Variants in RAD52 observed in about 807,000 individuals in gnomAD.
RAD52 encodes DNA repair protein RAD52 homolog.
RAD52 carries 47 observed loss-of-function variants against 55.5 expected under a neutral mutation model. That is an observed-to-expected ratio of 0.85 (90% CI 0.67 to 1.08). RAD52 has a LOEUF of 1.08. Among genes scored for constraint, RAD52 ranks in the 50% least tolerant of loss-of-function variants. The pLI, the probability that RAD52 is intolerant of heterozygous loss-of-function variation, is 0.00. For missense variants in RAD52, 468 were observed against 522.8 expected, an observed-to-expected ratio of 0.90 and a Z score of 1.02; for synonymous variants, 184 against 198.9, an observed-to-expected ratio of 0.92 and a Z score of 0.63.
intron 1 of RAD52, among the ~76,000 whole-genome samples, chr12:964,974 C>CCTTA (rs1466681943): frequency 6.6e-6 from 1 of 151,232 alleles, no homozygotes; most frequent in Non-Finnish European, 1.5e-5. Flanking sequence ...TGCCTTCCTT[C>CCTTA]CTTCCTTTTT....
chr12:977,313 T>C (rs984477124), intron 1 of RAD52, among the ~76,000 whole-genome samples: 1 of 152,222 alleles, frequency 6.6e-6, no homozygotes, highest in Admixed American at 6.5e-5. Flanking sequence ...ACATGTGCCA[T>C]ACTGAAGTTA....
At chr12:924,867 TCA>T (rs1262619999) in intron 7 of RAD52, among the ~76,000 whole-genome samples, 1 of 152,038 alleles carries the variant, frequency 6.6e-6, no homozygotes, top group African/African-American at 2.4e-5. Flanking sequence ...CTTTGAGGCT[TCA>T]CAGACTACCC....
chr12:955,234 T>C (rs551848212), intron 1 of RAD52, among the ~76,000 whole-genome samples: 3 of 152,334 alleles, frequency 2.0e-5, no homozygotes, highest in South Asian at 4.1e-4. Context: ...ATCCTATGTA[T>C]GATGACTTCT....
At chr12:986,963 C>T (rs577817865) in intron 1 of RAD52, among the ~76,000 whole-genome samples, 1 of 151,836 alleles carries the variant, frequency 6.6e-6, no homozygotes, top group African/African-American at 2.4e-5. Context: ...TTAAGTAACT[C>T]TTTTTTAAAA....
In RAD52 at chr12:926,863, G is replaced by A. The variant is rs867583706; in HGVS notation, c.467+282C>T. ...TGCTGTCTGTGCACTCGCAGTAGGA[G>A]TGGGAAGGCCTCCGGCACACATGAC... is the stretch of plus-strand genomic sequence containing the variant. On this transcript the variant is annotated intron_variant, in intron 6 of 11. Transcript: ENST00000358495. The A allele has an allele frequency of 1.4e-5, 22 of 1,536,652 alleles. No individual in the cohort carries two copies. The Middle Eastern group carries it at 6.9e-4, about 48-fold the overall frequency.
intron 5 of RAD52, among the ~76,000 whole-genome samples, chr12:927,665 A>C (rs979630841): frequency 6.6e-6 from 1 of 152,134 alleles, no homozygotes; most frequent in Non-Finnish European, 1.5e-5. Flanking sequence ...CAGGAGTTCA[A>C]GACCAGCCTG....
At chr12:989,344 TG>T (rs1959138577) in intron 1 of RAD52, among the ~76,000 whole-genome samples, 1 of 152,166 alleles carries the variant, frequency 6.6e-6, no homozygotes, top group African/African-American at 2.4e-5. Flanking sequence ...ACTTACTTTT[TG>T]CATGTCAAAT....
At chr12:939,415 A>G (rs976292788) in intron 1 of RAD52, among the ~76,000 whole-genome samples, 4 of 152,046 alleles carry the variant, frequency 2.6e-5, no homozygotes, top group African/African-American at 9.7e-5. Context: ...CTCCCAAAGC[A>G]CTGGGATTAC....
intron 1 of RAD52, among the ~76,000 whole-genome samples, chr12:940,872 G>A (rs1472298898): frequency 6.6e-6 from 1 of 151,904 alleles, no homozygotes; most frequent in African/African-American, 2.4e-5. Flanking sequence ...AAAAAAGATT[G>A]AAAAGAATGA....
At chr12:946,986 G>A (rs752117037) in intron 1 of RAD52, among the ~76,000 whole-genome samples, 2 of 152,142 alleles carry the variant, frequency 1.3e-5, no homozygotes, top group African/African-American at 2.4e-5. Context: ...TTGATACCAC[G>A]ATAATTAACG....
chr12:978,448 G>A (rs1011261521), intron 1 of RAD52, among the ~76,000 whole-genome samples: 2 of 152,178 alleles, frequency 1.3e-5, no homozygotes, highest in Non-Finnish European at 2.9e-5. Context: ...TGTGGCTATA[G>A]TGTCAATTTT....
At chr12:941,718 C>T (rs1372440482) in intron 1 of RAD52, among the ~76,000 whole-genome samples, 2 of 152,088 alleles carry the variant, frequency 1.3e-5, no homozygotes, top group African/African-American at 4.8e-5. Context: ...CTGCAACCTC[C>T]ACCTCCTGAG....
chr12:950,988 G>A (rs1455912157), upstream of RAD52, among the ~76,000 whole-genome samples: 1 of 152,074 alleles, frequency 6.6e-6, no homozygotes, highest in African/African-American at 2.4e-5. Flanking sequence ...CCAACCTCAG[G>A]TGATCTGCTC....
At chr12:985,761 G>C (rs1371674277) in intron 1 of RAD52, among the ~76,000 whole-genome samples, 1 of 152,026 alleles carries the variant, frequency 6.6e-6, no homozygotes. Flanking sequence ...TCCTGCCTCA[G>C]CCTCCCGAGT....
At chr12:929,996 C>T (rs1489452309) in intron 4 of RAD52, 55 bp downstream of exon 4, 1 of 1,587,252 alleles carries the variant, frequency 6.3e-7, no homozygotes, top group African/African-American at 1.3e-5. Flanking sequence ...CCACAGCAGA[C>T]TTTCAGCAGG....
intron 1 of RAD52, among the ~76,000 whole-genome samples, chr12:981,335 A>G (rs923239662): frequency 6.6e-6 from 1 of 151,382 alleles, no homozygotes; most frequent in Non-Finnish European, 1.5e-5. Context: ...CCTATCTCAA[A>G]ACAACAACAA....
intron 1 of RAD52, among the ~76,000 whole-genome samples, chr12:939,419 G>C (rs1288315193): frequency 6.6e-6 from 1 of 152,050 alleles, no homozygotes; most frequent in Non-Finnish European, 1.5e-5. Flanking sequence ...CAAAGCACTG[G>C]GATTACAGAC....
chr12:917,924 A>G (rs1315779957), intron 7 of RAD52, among the ~76,000 whole-genome samples: 1 of 152,154 alleles, frequency 6.6e-6, no homozygotes, highest in African/African-American at 2.4e-5. Context: ...TGGGCGACAG[A>G]GCAAGACTGT....
chr12:989,778 T>C (rs1346920760), intron 1 of RAD52: 1 of 152,202 alleles, frequency 6.6e-6, no homozygotes, highest in Non-Finnish European at 1.5e-5. Flanking sequence ...AACAGAAATA[T>C]CTATTGACTC....
Sources: gnomAD v4.1 joint callset for allele counts (sites outside exome capture counted in the v4.1 genomes callset) on GRCh38, gnomAD v4.1.1 for gene constraint, MANE v1.5 for transcripts, NCBI Gene and HGNC (gene_info 2026-07-23, HGNC 2026-07-21) for gene names.